SPACA9: variants seen among roughly 807,000 people sequenced by gnomAD.
The protein encoded by SPACA9 is sperm acrosome associated 9.
SPACA9 carries 14 observed loss-of-function variants against 12.5 expected under a neutral mutation model. That is an observed-to-expected ratio of 1.12 (90% CI 0.74 to 1.75). SPACA9 has a LOEUF of 1.75. Among genes scored for constraint, SPACA9 ranks in the 40% most tolerant of loss-of-function variants. The pLI is 0.00. For missense variants in SPACA9, 292 were observed against 291.9 expected (o/e 1.00, Z 0.00); for synonymous variants, 111 against 114.1 (o/e 0.97, Z 0.17).
rs377403914 is a variant in SPACA9 at position 132,882,030 on chromosome 9, A to AC, written c.-37-1875dup. 4.4e-3 allele frequency among the ~76,000 whole-genome samples: 671 copies of AC among 151,736 alleles called. 4 individuals carry two copies. Among genetic ancestry groups the AC allele is most frequent in the African/African-American group, 0.015 (602 of 41,330 alleles). On this transcript the variant is annotated intron_variant, in intron 1 of 3. Coordinates refer to ENST00000356311, the MANE Select transcript of SPACA9 (RefSeq NM_001316897.2). ...TATGGCAGGTGTCAATAAACCATGG[A>AC]CCCCCCATCTCATTCCCCACCTTCA...
Position 132,889,725 on chromosome 9 carries a change from A to T in SPACA9, c.*1114A>T. On this transcript the variant is annotated 3_prime_UTR_variant, in exon 4 of 4. Coordinates refer to ENST00000356311, the MANE Select transcript of SPACA9 (RefSeq NM_001316897.2). Reference sequence around the variant, plus strand: ...CCACGGCACCTGGCCAGAACTCAGTAGTGTGTTTAGTTCTCTGGACCACAG... The same window carrying T: ...CCACGGCACCTGGCCAGAACTCAGTTGTGTGTTTAGTTCTCTGGACCACAG... 1 of 1,194,956 alleles carries T rather than the reference A, an allele frequency of 8.4e-7. No homozygotes were observed. Among genetic ancestry groups the T allele is most frequent in the African/African-American group, 1.6e-5 (1 of 63,512 alleles). 74.0% of individuals were successfully genotyped at this position (1,194,956 alleles called of 1,614,324 possible). A position where few individuals can be genotyped will look rare whatever the true frequency, so the allele number is the denominator to read the frequency against.
At position 132,887,498 on chromosome 9, in the gene SPACA9, G is replaced by C. The variant is rs781512016; in HGVS notation, c.274G>C (p.Val92Leu). Residue 92 changes from valine to leucine, a missense_variant, in exon 3 of 4, where the codon GTC becomes CTC. Transcript: ENST00000356311. This position sits in a 1 kb window ranked among gnomAD's most constrained non-coding sequence, Gnocchi z 5.4. ...TGAGGCCGTGCACTCTGGCACCCCA[G>C]TCACCAACAACCTCCTGGAGAAATG... is the stretch of plus-strand genomic sequence containing the variant. ...HFEAVHSGTP[V>L]TNNLLEKCKT... 46 of 1,614,118 alleles carry C rather than the reference G, an allele frequency of 2.8e-5. No individual in the cohort carries two copies. Among genetic ancestry groups the C allele is most frequent in the Non-Finnish European group, 3.7e-5 (44 of 1,180,030 alleles).
At chr9:132,883,849 T>A (rs1844490506) in intron 1 of SPACA9, 62 bp from the exon 2 acceptor site, 17 of 1,334,086 alleles carry the variant, frequency 1.3e-5, no homozygotes, top group Non-Finnish European at 1.7e-5. Flanking sequence ...AGTCCTTCCC[T>A]CCGGAGCTGG....
At chr9:132,879,832 C>T (rs192732495) in intron 1 of SPACA9, among the ~76,000 whole-genome samples, 1 of 152,242 alleles carries the variant, frequency 6.6e-6, no homozygotes, top group African/African-American at 2.4e-5. Flanking sequence ...GAAATCTTGG[C>T]TAGGGCCACT....
Position 132,888,960 on chromosome 9 carries a change from C to T in SPACA9, c.*349C>T, listed in dbSNP as rs960223820. 3.2e-5 allele frequency: 20 copies of T among 629,822 alleles called. No homozygotes were observed. Among genetic ancestry groups the T allele is most frequent in the Middle Eastern group, 7.0e-4 (1 of 1,432 alleles). The allele number at this position is 629,822 out of a possible 1,614,324, so 39.0% of individuals were successfully genotyped here. On this transcript the variant is annotated 3_prime_UTR_variant, in exon 4 of 4. Coordinates refer to ENST00000356311, the MANE Select transcript of SPACA9 (RefSeq NM_001316897.2). The surrounding 1 kb of genome is among the most constrained non-coding windows in gnomAD (Gnocchi z 5.0). Reference sequence around the variant, plus strand: ...TTTTTTGTATTTTTAGTAGAGACAGCGTTTCACCATGTTAGCCAGGATGGT... The same window carrying T: ...TTTTTTGTATTTTTAGTAGAGACAGTGTTTCACCATGTTAGCCAGGATGGT...
chr9:132,888,426 G>A lies in SPACA9; in HGVS notation c.484G>A (p.Val162Met). The change falls in exon 4 of 4, where the codon GTG becomes ATG. Residue 162 changes from valine to methionine, a missense_variant. Val to Met is a conservative substitution (Grantham distance 21). Coordinates refer to ENST00000356311, the MANE Select transcript of SPACA9 (RefSeq NM_001316897.2). The surrounding 1 kb of genome is among the most constrained non-coding windows in gnomAD (Gnocchi z 5.0). Reference sequence around the variant, plus strand: ...CCACTCCGAGAAGTTGCCGCGCAAGGTGCTGCAGCACGTGAGTGAGCCCCA... The same window carrying A: ...CCACTCCGAGAAGTTGCCGCGCAAGATGCTGCAGCACGTGAGTGAGCCCCA... ...IAHSEKLPRK[V>M]LQHVSEPQAH... is the part of the protein sequence containing the mutation. The A allele has an allele frequency of 6.2e-7, 1 of 1,613,832 alleles. No homozygotes were observed. Among genetic ancestry groups the A allele is most frequent in the South Asian group, 1.1e-5 (1 of 91,074 alleles).
downstream of SPACA9, chr9:132,890,061 TC>T: frequency 7.5e-7 from 1 of 1,336,790 alleles, no homozygotes; most frequent in Non-Finnish European, 9.8e-7. Flanking sequence ...CTGGGATTTA[TC>T]CCTGAAAGAA....
chr9:132,887,648 C>A lies in SPACA9; in HGVS notation c.347+77C>A. The stretch of plus-strand genomic sequence containing the variant: ...CCTCTGTCCTGCTTCTTTCCTGTTG[C>A]CTGGATCATGGTGCTCCTATTAGAC... On this transcript the variant is annotated intron_variant, in intron 3 of 3. Coordinates refer to ENST00000356311, the MANE Select transcript of SPACA9 (RefSeq NM_001316897.2). This position sits in a 1 kb window ranked among gnomAD's most constrained non-coding sequence, Gnocchi z 5.4. 1 of 1,313,348 alleles carries A rather than the reference C, an allele frequency of 7.6e-7. No homozygotes were observed. Among genetic ancestry groups the A allele is most frequent in the Non-Finnish European group, 1.1e-6 (1 of 919,240 alleles). The allele number at this position is 1,313,348 out of a possible 1,614,324, so 81.4% of individuals were successfully genotyped here.
At position 132,888,372 on chromosome 9, in the gene SPACA9, A is replaced by G; in HGVS notation, c.430A>G (p.Ile144Val). The change falls in exon 4 of 4, where the codon ATC (isoleucine) becomes GTC (valine). Residue 144 changes from isoleucine (I) to valine (V), a missense_variant. Ile to Val is a conservative substitution (Grantham distance 29). Transcript: ENST00000356311. This position sits in a 1 kb window ranked among gnomAD's most constrained non-coding sequence, Gnocchi z 5.0. ...CGGCGTGGTCAGCCTCATCCCCCTCATCCTAGACTTAATGAAAGAATGGAT... is the reference window on the plus strand; with the variant it reads ...CGGCGTGGTCAGCCTCATCCCCCTCGTCCTAGACTTAATGAAAGAATGGAT... ...YGGVVSLIPL[I>V]LDLMKEWIAH... 2 of 1,613,904 alleles carry G rather than the reference A, an allele frequency of 1.2e-6. No homozygotes were observed. The highest frequency in any genetic ancestry group is 1.7e-6 in the Non-Finnish European group (2 of 1,179,974).
In SPACA9 at chr9:132,888,986, C is replaced by T; in HGVS notation, c.*375C>T. The T allele has an allele frequency of 1.4e-6, 1 of 736,434 alleles. No homozygotes were observed. Among genetic ancestry groups the T allele is most frequent in the South Asian group, 4.3e-5 (1 of 23,012 alleles). The allele number at this position is 736,434 out of a possible 1,614,324, so 45.6% of individuals were successfully genotyped here. Reference sequence around the variant, plus strand: ...GTTTCACCATGTTAGCCAGGATGGTCTCAATCTCCTGACCTCATGATCTAC... The same window carrying T: ...GTTTCACCATGTTAGCCAGGATGGTTTCAATCTCCTGACCTCATGATCTAC... On this transcript the variant is annotated 3_prime_UTR_variant, in exon 4 of 4. Transcript: ENST00000356311. The surrounding 1 kb of genome is among the most constrained non-coding windows in gnomAD (Gnocchi z 5.0).
In SPACA9 at chr9:132,887,134, T is replaced by TGTCTATCC. The variant is rs200687144; in HGVS notation, c.145-235_145-234insGTCTATCC. On this transcript the variant is annotated intron_variant, in intron 2 of 3. Coordinates refer to ENST00000356311, the MANE Select transcript of SPACA9 (RefSeq NM_001316897.2). The surrounding 1 kb of genome is among the most constrained non-coding windows in gnomAD (Gnocchi z 5.4). ...CAACCGATCCATTAATTTCATATCA[T>TGTCTATCC]ATCTATCCATCCATCCATCCATCCA... Among the ~76,000 whole-genome samples, 3,285 of 70,392 alleles carry TGTCTATCC rather than the reference T, an allele frequency of 0.047. 56 individuals are homozygous for TGTCTATCC. Among genetic ancestry groups the TGTCTATCC allele is most frequent in the South Asian group, 0.17 (279 of 1,642 alleles). The allele number at this position is 70,392 out of a possible 152,430, so 46.2% of individuals were successfully genotyped here.
chr9:132,888,238 G>T lies in SPACA9; in HGVS notation c.348-52G>T, dbSNP rs1341922339. 1 of 1,554,292 alleles carries T rather than the reference G, an allele frequency of 6.4e-7. No individual in the cohort carries two copies. The highest frequency in any genetic ancestry group is 8.7e-7 in the Non-Finnish European group (1 of 1,148,876). ...TGAGGTGTGGCAGCTGCTTGCCACG[G>T]CATGGCAAGTCCCGGGAGCATGGGT... On this transcript the variant is annotated intron_variant, in intron 3 of 3. Transcript: ENST00000356311. The surrounding 1 kb of genome is among the most constrained non-coding windows in gnomAD (Gnocchi z 5.0).
Position 132,887,470 on chromosome 9 carries a change from C to CT in SPACA9, c.249dup (p.Glu84Ter), listed in dbSNP as rs747789590. The CT allele has an allele frequency of 1.2e-6, 2 of 1,614,026 alleles. No individual in the cohort carries two copies. The highest frequency in any genetic ancestry group is 1.7e-6 in the Non-Finnish European group (2 of 1,180,018). ...CAGAGCTGAATAAGCTCTGCCAGCA[C>CT]TTTGAGGCCGTGCACTCTGGCACCC... On this transcript the variant is annotated frameshift_variant, in exon 3 of 4. Coordinates refer to ENST00000356311, the MANE Select transcript of SPACA9 (RefSeq NM_001316897.2). LOFTEE classifies it high-confidence loss of function. This position sits in a 1 kb window ranked among gnomAD's most constrained non-coding sequence, Gnocchi z 5.4.
chr9:132,887,522 T>C lies in SPACA9; in HGVS notation c.298T>C (p.Cys100Arg), dbSNP rs771817020. ...TPVTNNLLEK[C>R]KTLVSQSNDL... ...AGTCACCAACAACCTCCTGGAGAAATGCAAAACCCTCGTTAGCCAAAGCAA... is the reference window on the plus strand; with the variant it reads ...AGTCACCAACAACCTCCTGGAGAAACGCAAAACCCTCGTTAGCCAAAGCAA... The change falls in exon 3 of 4, where the codon TGC (cysteine) becomes CGC (arginine). Residue 100 changes from cysteine to arginine, a missense_variant. Coordinates refer to ENST00000356311, the MANE Select transcript of SPACA9 (RefSeq NM_001316897.2). This position sits in a 1 kb window ranked among gnomAD's most constrained non-coding sequence, Gnocchi z 5.4. The C allele has an allele frequency of 2.5e-6, 4 of 1,613,948 alleles. No homozygotes were observed. The highest frequency in any genetic ancestry group is 2.2e-5 in the East Asian group (1 of 44,858).
chr9:132,885,424 A>G (rs1002145719), intron 2 of SPACA9, among the ~76,000 whole-genome samples: 3 of 151,296 alleles, frequency 2.0e-5, no homozygotes, highest in Admixed American at 6.6e-5. Flanking sequence ...GAGGCATGAG[A>G]ATCACATGAA....
At chr9:132,885,079 C>G (rs1326742838) in intron 2 of SPACA9, among the ~76,000 whole-genome samples, 1 of 151,888 alleles carries the variant, frequency 6.6e-6, no homozygotes, top group Non-Finnish European at 1.5e-5. Flanking sequence ...CGCCACTGTA[C>G]TCCAGCCTGG....
At chr9:132,883,501 C>A (rs578020408) in intron 1 of SPACA9, among the ~76,000 whole-genome samples, 1 of 152,106 alleles carries the variant, frequency 6.6e-6, no homozygotes, top group South Asian at 2.1e-4. Flanking sequence ...GATTGGAGGG[C>A]GTGTGTGTAC....
At position 132,889,268 on chromosome 9, in the gene SPACA9, G is replaced by A. The variant is rs1844669978; in HGVS notation, c.*657G>A. On this transcript the variant is annotated 3_prime_UTR_variant, in exon 4 of 4. Transcript: ENST00000356311. ...TGTCCCTGCTGCGGGCTGCAGTTTTGCAGAGGGTGATCAAGCTGGAGACCA... is the reference window on the plus strand; with the variant it reads ...TGTCCCTGCTGCGGGCTGCAGTTTTACAGAGGGTGATCAAGCTGGAGACCA... 1 of 986,036 alleles carries A rather than the reference G, an allele frequency of 1.0e-6. No individual in the cohort carries two copies. Among genetic ancestry groups the A allele is most frequent in the Non-Finnish European group, 1.2e-6 (1 of 830,458 alleles). The allele number at this position is 986,036 out of a possible 1,614,324, so 61.1% of individuals were successfully genotyped here.
In SPACA9 at chr9:132,884,058, C is replaced by T. The variant is rs201564976; in HGVS notation, c.111C>T (p.His37=). ...AALEHCRENA[H]DKIRPISSIG... is the part of the protein sequence containing the mutation. ...TGGAGCACTGCAGGGAGAACGCCCA[C>T]GACAAGATCCGGCCCATCTCCAGCA... Residue 37 remains histidine, a synonymous_variant, in exon 2 of 4, where the codon CAC becomes CAT. Coordinates refer to ENST00000356311, the MANE Select transcript of SPACA9 (RefSeq NM_001316897.2). 25 of 1,614,008 alleles carry T rather than the reference C, an allele frequency of 1.5e-5. No homozygotes were observed. Among genetic ancestry groups the T allele is most frequent in the South Asian group, 3.3e-5 (3 of 91,084 alleles).
Sources: gnomAD v4.1 joint callset for allele counts (sites outside exome capture counted in the v4.1 genomes callset) on GRCh38, gnomAD v4.1.1 for gene constraint, Gnocchi (gnomAD v3.1) non-coding constraint, MANE v1.5 for transcripts, NCBI Gene and HGNC (gene_info 2026-07-23, HGNC 2026-07-21) for gene names.